Variants in PDE7B observed in about 807,000 individuals in gnomAD.
PDE7B encodes phosphodiesterase 7B, also known as 3',5'-cyclic-AMP phosphodiesterase 7B.
In PDE7B, 29 loss-of-function variants were observed where a neutral mutation model predicts 56.2. The observed-to-expected ratio is 0.52, with a 90% CI of 0.38 to 0.70. The LOEUF is 0.70. PDE7B is among the 30% of genes least tolerant of loss of function. The pLI, the probability that PDE7B is intolerant of heterozygous loss-of-function variation, is 0.00. For synonymous variants in PDE7B, 197 were observed against 196.9 expected, an observed-to-expected ratio of 1.00 and a Z score of 0.00; for missense variants, 490 against 565.0, an observed-to-expected ratio of 0.87 and a Z score of 1.35.
rs1490819482 is a variant in PDE7B at position 135,947,533 on chromosome 6, G to C, written c.82+9G>C. The C allele has an allele frequency of 1.9e-6, 3 of 1,601,552 alleles. No individual in the cohort carries two copies. The highest frequency in any genetic ancestry group is 1.7e-6 in the Non-Finnish European group (2 of 1,168,842). ...ATGTGTTTGCATGCTGGGTAAGAAG[G>C]CTTCTCATTTTAAATATATTAAGCA... is the stretch of plus-strand genomic sequence containing the variant. On this transcript the variant is annotated intron_variant, in intron 2 of 12. Coordinates refer to ENST00000308191, the MANE Select transcript of PDE7B (RefSeq NM_018945.4).
intron 2 of PDE7B, among the ~76,000 whole-genome samples, chr6:136,056,510 T>G (rs965596121): frequency 8.0e-6 from 1 of 125,540 alleles, no homozygotes; most frequent in Admixed American, 9.0e-5. Flanking sequence ...GCAGATAGAA[T>G]CCTTTTTTTT....
intron 1 of PDE7B, among the ~76,000 whole-genome samples, chr6:135,942,928 C>T (rs369325944): frequency 5.3e-5 from 8 of 152,014 alleles, no homozygotes; most frequent in Non-Finnish European, 1.0e-4. Flanking sequence ...CTCAGTTGGC[C>T]CCACGCCTTG....
intron 1 of PDE7B, among the ~76,000 whole-genome samples, chr6:135,872,840 A>G (rs1775411504): frequency 6.6e-6 from 1 of 152,202 alleles, no homozygotes; most frequent in East Asian, 1.9e-4. Flanking sequence ...CTTGGAAAAC[A>G]TAACCTTATT....
intron 11 of PDE7B, among the ~76,000 whole-genome samples, chr6:136,182,576 T>C (rs566783138): frequency 1.3e-5 from 2 of 152,352 alleles, no homozygotes; most frequent in South Asian, 2.1e-4. Flanking sequence ...GACTCAATCA[T>C]GCCCAGCATG....
In PDE7B at chr6:135,925,135, AAAG is replaced by A. The variant is rs977732443; in HGVS notation, c.22-22325_22-22323del. Among the ~76,000 whole-genome samples, 59 of 152,228 alleles carry A rather than the reference AAAG, an allele frequency of 3.9e-4. 1 individual carries two copies. The highest frequency in any genetic ancestry group is 1.1e-3 in the African/African-American group (44 of 41,534). On this transcript the variant is annotated intron_variant, in intron 1 of 12. Transcript: ENST00000308191. ...TTAAACTGAAACAGAAGCTGAAAGA[AAAG>A]AAGTAGAAAATTTAATATTTAAAAA...
At chr6:135,953,756 C>T (rs1270564031) in intron 2 of PDE7B, among the ~76,000 whole-genome samples, 2 of 152,120 alleles carry the variant, frequency 1.3e-5, no homozygotes, top group East Asian at 1.9e-4. Context: ...TAGTAATGAA[C>T]ATCCTTATAG....
Position 136,191,611 on chromosome 6 carries a change from T to C in PDE7B, c.1127-3T>C. 6.2e-7 allele frequency: 1 copy of C among 1,613,018 alleles called. No individual in the cohort carries two copies. The highest frequency in any genetic ancestry group is 8.5e-7 in the Non-Finnish European group (1 of 1,179,170). On this transcript the variant is annotated splice_region_variant and splice_polypyrimidine_tract_variant and intron_variant, in intron 12 of 12. Transcript: ENST00000308191. ...ATGCTGAGCCTTGACTTGCCTGTTC[T>C]AGGTTTCATGAGCTACATCGTGGAG...
Position 135,867,978 on chromosome 6 carries a change from A to G in PDE7B, c.21+15959A>G, listed in dbSNP as rs17065029. Among the ~76,000 whole-genome samples, 1,235 of 152,312 alleles carry G rather than the reference A, an allele frequency of 8.1e-3. 15 individuals carry two copies. The highest frequency in any genetic ancestry group is 0.028 in the African/African-American group (1,184 of 41,564). On this transcript the variant is annotated intron_variant, in intron 1 of 12. Transcript: ENST00000308191. The stretch of plus-strand genomic sequence containing the variant: ...GTAATGCAAAAAGGTAATCTAAGGA[A>G]TCCACAAATAAATTTTTCAAAGCTC...
Position 136,140,300 on chromosome 6 carries a change from T to C in PDE7B, c.167-7051T>C, listed in dbSNP as rs191607696. Among the ~76,000 whole-genome samples, 23 of 152,328 alleles carry C rather than the reference T, an allele frequency of 1.5e-4. No homozygotes were observed. The East Asian group carries it at 4.2e-3, about 28-fold the overall frequency. On this transcript the variant is annotated intron_variant, in intron 3 of 12. Transcript: ENST00000308191. The stretch of plus-strand genomic sequence containing the variant: ...AGTTGTAGATACGCAGCATTATTTC[T>C]GAGGGCTCTGTTCTGTTCCATTGGT...
At chr6:136,098,206 A>G (rs1341146633) in intron 2 of PDE7B, 1 of 148,682 alleles carries the variant, frequency 6.7e-6, no homozygotes, top group African/African-American at 2.5e-5. Flanking sequence ...GGGGAAGGAG[A>G]GAGAGGAAGA....
At chr6:135,947,288 C>T (rs1219735772) in intron 1 of PDE7B, among the ~76,000 whole-genome samples, 176 bp from the exon 2 acceptor site, 2 of 152,040 alleles carry the variant, frequency 1.3e-5, no homozygotes, top group African/African-American at 4.8e-5. Flanking sequence ...CCAACTTATC[C>T]CTCAAATATT....
rs146544759 is a variant in PDE7B at position 135,983,177 on chromosome 6, G to A, written c.82+35653G>A. Among the ~76,000 whole-genome samples the A allele has an allele frequency of 2.4e-4, 36 of 152,224 alleles. No individual in the cohort carries two copies. The East Asian group carries it at 6.4e-3, about 27-fold the overall frequency. On this transcript the variant is annotated intron_variant, in intron 2 of 12. Transcript: ENST00000308191. The stretch of plus-strand genomic sequence containing the variant: ...AGACAAAAAATTTAAGACACACACA[G>A]TGCTACCCAATTGTGCTTTGGGGTC...
chr6:136,181,381 C>T (rs2277098), intron 11 of PDE7B, 58 bp downstream of exon 11: 26,857 of 1,028,110 alleles, frequency 0.026, 2,237 homozygotes, highest in Admixed American at 0.2. Flanking sequence ...AGGCATTTAT[C>T]CTAATAAAAC....
chr6:135,903,265 G>C (rs1776037824), intron 1 of PDE7B, among the ~76,000 whole-genome samples: 1 of 152,186 alleles, frequency 6.6e-6, no homozygotes, highest in Non-Finnish European at 1.5e-5. Flanking sequence ...AGCAAAGGTT[G>C]TATCAGTGGC....
At chr6:135,939,539 T>C (rs1164257175) in intron 1 of PDE7B, among the ~76,000 whole-genome samples, 2 of 152,188 alleles carry the variant, frequency 1.3e-5, no homozygotes, top group East Asian at 3.8e-4. Flanking sequence ...AAATCTGCCG[T>C]CCTCTGGCAC....
At chr6:135,878,893 T>A (rs1775550648) in intron 1 of PDE7B, among the ~76,000 whole-genome samples, 1 of 152,192 alleles carries the variant, frequency 6.6e-6, no homozygotes, top group Non-Finnish European at 1.5e-5. Context: ...CGTATTTTTA[T>A]GGGCCTGCCC....
intron 2 of PDE7B, among the ~76,000 whole-genome samples, chr6:136,063,240 T>C (rs1452539417): frequency 6.6e-6 from 1 of 152,188 alleles, no homozygotes; most frequent in Non-Finnish European, 1.5e-5. Flanking sequence ...TGGAAGAGCA[T>C]GTGGAGTTAC....
At chr6:136,180,062 A>G (rs1343474692) in intron 10 of PDE7B, among the ~76,000 whole-genome samples, 10 of 152,130 alleles carry the variant, frequency 6.6e-5, no homozygotes, top group African/African-American at 1.9e-4. Context: ...TAGTGAATGG[A>G]CCTAGACTCA....
intron 1 of PDE7B, among the ~76,000 whole-genome samples, chr6:135,945,492 A>G (rs1370413493): frequency 1.3e-5 from 2 of 152,002 alleles, no homozygotes; most frequent in Non-Finnish European, 2.9e-5. Flanking sequence ...TCTCCACATA[A>G]TGTAGGCCAT....
Sources: gnomAD v4.1 joint callset for allele counts (sites outside exome capture counted in the v4.1 genomes callset) on GRCh38, gnomAD v4.1.1 for gene constraint, MANE v1.5 for transcripts, NCBI Gene and HGNC (gene_info 2026-07-23, HGNC 2026-07-21) for gene names.